Variants in OR1F1 observed in about 807,000 individuals in gnomAD.
OR1F1 encodes the protein olfactory receptor family 1 subfamily F member 1, also known as olfactory receptor 1F1.
For missense variants in OR1F1, 493 were observed against 376.3 expected (o/e 1.31, Z -2.57); for synonymous variants, 184 against 156.7 (o/e 1.17, Z -1.30).
At chr16:3,196,426 C>T in the OR1F1 span, among the ~76,000 whole-genome samples, 2 of 152,116 alleles carry the variant, frequency 1.3e-5, no homozygotes, top group Admixed American at 1.3e-4. Flanking sequence ...CTCTGTTGCC[C>T]AGGCTGGAGG....
the OR1F1 span, among the ~76,000 whole-genome samples, chr16:3,192,461 G>T: frequency 6.6e-6 from 1 of 152,180 alleles, no homozygotes; most frequent in Non-Finnish European, 1.5e-5. Context: ...AGTTACTGGG[G>T]GAATTTAGAA....
chr16:3,201,742 T>C (rs1019263720), upstream of OR1F1, among the ~76,000 whole-genome samples: 4 of 152,026 alleles, frequency 2.6e-5, no homozygotes, highest in African/African-American at 9.7e-5. Context: ...CTGGACCAAA[T>C]TGAGGATTAG....
chr16:3,194,959 C>G, the OR1F1 span, among the ~76,000 whole-genome samples: 1 of 152,208 alleles, frequency 6.6e-6, no homozygotes, highest in African/African-American at 2.4e-5. Flanking sequence ...CATGAAAGAC[C>G]TCGAGGGTGG....
chr16:3,202,660 A>AAAT (rs3064190), upstream of OR1F1, among the ~76,000 whole-genome samples: 12,852 of 141,682 alleles, frequency 0.091, 649 homozygotes, highest in East Asian at 0.14. Context: ...TTCCATCTCA[A>AAAT]AATAATAATA....
chr16:3,190,567 A>G, the OR1F1 span, among the ~76,000 whole-genome samples: 1 of 152,126 alleles, frequency 6.6e-6, no homozygotes, highest in African/African-American at 2.4e-5. Context: ...CCTGGCCAAC[A>G]TGGTAAAACC....
downstream of OR1F1, among the ~76,000 whole-genome samples, chr16:3,206,447 G>A (rs1018900199): frequency 6.6e-6 from 1 of 152,042 alleles, no homozygotes; most frequent in Non-Finnish European, 1.5e-5. Context: ...CCTACTCCCT[G>A]TTCGTACACC....
chr16:3,199,115 C>CAAAAAAAA, the OR1F1 span, among the ~76,000 whole-genome samples: 21 of 52,576 alleles, frequency 4.0e-4, 1 homozygote, highest in East Asian at 9.7e-4. Context: ...CCTGTCTCTA[C>CAAAAAAAA]AAAAAAAAAA....
At chr16:3,192,288 C>CAG in the OR1F1 span, among the ~76,000 whole-genome samples, 1 of 152,160 alleles carries the variant, frequency 6.6e-6, no homozygotes, top group South Asian at 2.1e-4. Context: ...GATCTGACCT[C>CAG]GTGATCCGCC....
chr16:3,204,127 A>G, upstream of OR1F1: 1 of 699,126 alleles, frequency 1.4e-6, no homozygotes, highest in Non-Finnish European at 2.4e-6. Context: ...TGACAATATT[A>G]TCATTTACAT....
the OR1F1 span, chr16:3,188,486 C>T: frequency 2.0e-5 from 3 of 152,238 alleles, no homozygotes; most frequent in African/African-American, 7.2e-5. Context: ...CCAGGTGAGC[C>T]CTCCTCCGCT....
chr16:3,196,883 T>C, the OR1F1 span, among the ~76,000 whole-genome samples: 1 of 150,452 alleles, frequency 6.6e-6, no homozygotes. Context: ...TGTTGTTTTG[T>C]TTTGTTTCTT....
chr16:3,202,660 AAATAAT>A (rs3064190), upstream of OR1F1, among the ~76,000 whole-genome samples: 12,306 of 141,694 alleles, frequency 0.087, 610 homozygotes, highest in Middle Eastern at 0.12. Context: ...TTCCATCTCA[AAATAAT>A]AATAATAATA....
chr16:3,198,675 G>T, the OR1F1 span, among the ~76,000 whole-genome samples: 6 of 152,146 alleles, frequency 3.9e-5, no homozygotes, highest in East Asian at 1.2e-3. Context: ...GAGGTCTTCT[G>T]ACCCTTTTTG....
At chr16:3,200,255 T>C (rs1030495823), upstream of OR1F1, among the ~76,000 whole-genome samples, 1 of 152,154 alleles carries the variant, frequency 6.6e-6, no homozygotes, top group African/African-American at 2.4e-5. Flanking sequence ...TGCTTGTTCA[T>C]AGGTTGCACG....
chr16:3,197,414 T>A, the OR1F1 span, among the ~76,000 whole-genome samples: 3 of 152,168 alleles, frequency 2.0e-5, no homozygotes, highest in South Asian at 6.2e-4. Flanking sequence ...TATGTCGTTG[T>A]TGGTTTTTTT....
At chr16:3,204,800 T>A in exon 1 of OR1F1, 1 of 1,614,184 alleles carries the variant, frequency 6.2e-7, no homozygotes, top group South Asian at 1.1e-5. Context: ...ACTCCCCTAC[T>A]GAAACTCTCC....
chr16:3,190,720 C>T, the OR1F1 span, among the ~76,000 whole-genome samples: 250 of 141,434 alleles, frequency 1.8e-3, 2 homozygotes, highest in Admixed American at 3.7e-3. Flanking sequence ...CAGTGCACTC[C>T]AGCCTGGGTG....
chr16:3,199,260 A>T (rs981605414), upstream of OR1F1, among the ~76,000 whole-genome samples: 7 of 151,618 alleles, frequency 4.6e-5, no homozygotes, highest in Non-Finnish European at 8.8e-5. Context: ...CTGTGTTCAT[A>T]CCACTGCATT....
At chr16:3,205,626 A>T (rs1567207700), downstream of OR1F1, among the ~76,000 whole-genome samples, 1 of 152,146 alleles carries the variant, frequency 6.6e-6, no homozygotes, top group African/African-American at 2.4e-5. Context: ...TAATATGGAC[A>T]TGTATCGGTT....
Sources: allele counts gnomAD v4.1 joint callset (sites outside exome capture counted in the v4.1 genomes callset), GRCh38; gene constraint gnomAD v4.1.1; transcripts MANE v1.5; gene names NCBI Gene and HGNC (gene_info 2026-07-23, HGNC 2026-07-21).